The following PKHD1L1 variants were observed in gnomAD, a reference collection of about 807,000 sequenced individuals.
PKHD1L1 encodes fibrocystin-L.
PKHD1L1 carries 434 observed loss-of-function variants against 462.9 expected under a neutral mutation model. The observed-to-expected ratio is 0.94, with a 90% confidence interval of 0.87 to 1.02. The LOEUF (loss-of-function observed/expected upper bound fraction) is 1.02. Among genes scored for constraint, PKHD1L1 ranks in the 50% least tolerant of loss-of-function variants. The pLI, the probability that PKHD1L1 is intolerant of heterozygous loss-of-function variation, is 0.00. For missense variants in PKHD1L1, 5,202 were observed against 5,096.1 expected (o/e 1.02, Z -0.63); for synonymous variants, 1,781 against 1,750.0 (o/e 1.02, Z -0.44).
Position 109,515,173 on chromosome 8 carries a change from G to C in PKHD1L1, c.11557G>C (p.Val3853Leu), listed in dbSNP as rs201433825. Residue 3853 changes from valine (V) to leucine (L), a missense_variant, in exon 72 of 78, where the codon GTT (valine) becomes CTT (leucine). Val to Leu is a conservative substitution (Grantham distance 32). This residue lies in a region of PKHD1L1 where 698 missense variants were observed against 736.3 expected (regional missense o/e 0.95). Coordinates refer to ENST00000378402, the MANE Select transcript of PKHD1L1 (RefSeq NM_177531.6). The part of the protein sequence containing the change: ...MLLNVDHNKA[V>L]LVGIFFSTLQ... The stretch of plus-strand genomic sequence containing the variant: ...AAAACTTTTTTTTCTTTAATAGGCT[G>C]TTCTAGTAGGAATTTTCTTTTCCAC... 1.3e-5 allele frequency: 20 copies of C among 1,582,442 alleles called. No homozygotes were observed. The Middle Eastern group carries it at 6.8e-4, about 54-fold the overall frequency.
intron 67 of PKHD1L1, among the ~76,000 whole-genome samples, chr8:109,500,636 T>C (rs1819359132): frequency 7.5e-6 from 1 of 133,722 alleles, no homozygotes; most frequent in Non-Finnish European, 1.5e-5. Context: ...ATCACACAAC[T>C]GTACTCCAGC....
chr8:109,386,464 G>A (rs562268208), intron 6 of PKHD1L1, among the ~76,000 whole-genome samples: 1 of 152,100 alleles, frequency 6.6e-6, no homozygotes, highest in East Asian at 1.9e-4. Context: ...ATGCTGTAAA[G>A]GTGAGGTATA....
Position 109,384,109 on chromosome 8 carries a change from C to A in PKHD1L1, c.457C>A (p.Pro153Thr). ...AACCCCAACAATAAGAAGCATCACA[C>A]CTTTATCTGGAACTCCAGGTCTGTT... is the stretch of plus-strand genomic sequence containing the variant. ...FRTPTIRSIT[P>T]LSGTPGTLIT... Residue 153 changes from proline (P) to threonine (T), a missense_variant, in exon 5 of 78, where the codon CCT (proline) becomes ACT (threonine). Physicochemically the swap from Pro to Thr is conservative, Grantham distance 38 (BLOSUM62 -1). Transcript: ENST00000378402. 1.9e-6 allele frequency: 3 copies of A among 1,610,882 alleles called. No individual in the cohort carries two copies. The highest frequency in any genetic ancestry group is 2.5e-6 in the Non-Finnish European group (3 of 1,177,536).
intron 28 of PKHD1L1, among the ~76,000 whole-genome samples, 155 bp downstream of exon 28, chr8:109,433,371 G>T (rs763863964): frequency 5.9e-5 from 9 of 152,108 alleles, no homozygotes; most frequent in Non-Finnish European, 8.8e-5. Context: ...TTGGCAACCT[G>T]GTCTATATAA....
Position 109,445,134 on chromosome 8 carries a change from C to T in PKHD1L1, c.5265C>T (p.Phe1755=). ...ESITPYITGV[F]PNSVIGSVKV... is the part of the protein sequence containing the mutation. ...TCACTCCTTACATAACAGGAGTCTT[C>T]CCAAACTCTGTCATAGGATCTGTAA... Residue 1755 remains phenylalanine, a synonymous_variant, in exon 38 of 78, where the codon TTC becomes TTT. Coordinates refer to ENST00000378402, the MANE Select transcript of PKHD1L1 (RefSeq NM_177531.6). The T allele has an allele frequency of 6.2e-7, 1 of 1,613,882 alleles. No individual in the cohort carries two copies. The highest frequency in any genetic ancestry group is 8.5e-7 in the Non-Finnish European group (1 of 1,179,884).
At chr8:109,490,301 T>G (rs1818764642) in intron 60 of PKHD1L1, among the ~76,000 whole-genome samples, 1 of 151,814 alleles carries the variant, frequency 6.6e-6, no homozygotes, top group Non-Finnish European at 1.5e-5. Flanking sequence ...ATCAAAGATC[T>G]ATAATAGTGG....
chr8:109,487,944 A>AGAAG (rs796446244), intron 59 of PKHD1L1, among the ~76,000 whole-genome samples: 9 of 36,882 alleles, frequency 2.4e-4, no homozygotes, highest in South Asian at 8.5e-4. Context: ...AAGGAAGGAA[A>AGAAG]GAAGGAAGGA....
intron 2 of PKHD1L1, among the ~76,000 whole-genome samples, chr8:109,366,601 A>T (rs1453611215): frequency 5.3e-5 from 8 of 152,220 alleles, no homozygotes; most frequent in Admixed American, 5.2e-4. Context: ...ATCTTGTTAC[A>T]TATTCTTATC....
chr8:109,441,967 C>A (rs1815817153), intron 34 of PKHD1L1, 40 bp from the exon 35 acceptor site: 1 of 1,469,306 alleles, frequency 6.8e-7, no homozygotes, highest in East Asian at 2.4e-5. Context: ...TTAAGAAATT[C>A]TCTTTTTCTT....
At chr8:109,446,428 A>G (rs1816144213) in intron 38 of PKHD1L1, among the ~76,000 whole-genome samples, 1 of 152,232 alleles carries the variant, frequency 6.6e-6, no homozygotes, top group Admixed American at 6.5e-5. Flanking sequence ...CATACATTAT[A>G]AAGTTAAAGA....
At chr8:109,415,864 G>GT (rs1554637087) in intron 21 of PKHD1L1, among the ~76,000 whole-genome samples, 22 of 100,422 alleles carry the variant, frequency 2.2e-4, no homozygotes, top group African/African-American at 6.6e-4. Flanking sequence ...AAAAAAAAGG[G>GT]GTGTGTGTGT....
At chr8:109,457,927 T>C (rs964330898) in intron 46 of PKHD1L1, among the ~76,000 whole-genome samples, 2 of 152,076 alleles carry the variant, frequency 1.3e-5, no homozygotes, top group African/African-American at 4.8e-5. Context: ...TTCGCCCTTA[T>C]CTCTAAGCAT....
At chr8:109,470,172 T>C (rs1446253519) in intron 50 of PKHD1L1, 21 of 698,200 alleles carry the variant, frequency 3.0e-5, no homozygotes, top group Non-Finnish European at 4.9e-6. Context: ...TGGATGAAGA[T>C]TGGGAAAAGT....
Position 109,438,959 on chromosome 8 carries a change from G to A in PKHD1L1, c.3823G>A (p.Val1275Met). The A allele has an allele frequency of 3.7e-6, 6 of 1,613,544 alleles. No homozygotes were observed. The highest frequency in any genetic ancestry group is 5.1e-6 in the Non-Finnish European group (6 of 1,179,614). Residue 1275 changes from valine to methionine, a missense_variant, in exon 32 of 78, where the codon GTG becomes ATG. Physicochemically the swap from Val to Met is conservative, Grantham distance 21 (BLOSUM62 1). This residue lies in a region of PKHD1L1 where 4,497 missense variants were observed against 4,336.8 expected (regional missense o/e 1.04). Coordinates refer to ENST00000378402, the MANE Select transcript of PKHD1L1 (RefSeq NM_177531.6). ...FGNELTQNMA[V>M]YVGGKTCQIL... ...AAATGAACTCACACAAAACATGGCG[G>A]TGTATGTTGGAGGAAAAACCTGCCA...
chr8:109,389,244 T>A (rs1812589953), intron 8 of PKHD1L1, 92 bp downstream of exon 8: 3 of 941,054 alleles, frequency 3.2e-6, no homozygotes, highest in Non-Finnish European at 4.8e-6. Context: ...CCTCTGCCCT[T>A]TTGGATCAGG....
chr8:109,374,735 T>G (rs1451498288), intron 2 of PKHD1L1, among the ~76,000 whole-genome samples: 3 of 152,042 alleles, frequency 2.0e-5, no homozygotes, highest in Non-Finnish European at 2.9e-5. Context: ...GTCTGTAAAG[T>G]ATTTTATTTC....
chr8:109,441,866 C>T, intron 34 of PKHD1L1, 141 bp from the exon 35 acceptor site: 1 of 608,644 alleles, frequency 1.6e-6, no homozygotes, highest in Non-Finnish European at 2.5e-6. Flanking sequence ...TTGTTAAGTG[C>T]TTAAATTATG....
chr8:109,432,072 A>G (rs1815137080), intron 27 of PKHD1L1, among the ~76,000 whole-genome samples: 1 of 152,146 alleles, frequency 6.6e-6, no homozygotes, highest in African/African-American at 2.4e-5. Flanking sequence ...ATCATCCTTC[A>G]TATGTTTCTT....
intron 28 of PKHD1L1, among the ~76,000 whole-genome samples, chr8:109,434,396 A>G (rs547391726): frequency 7.3e-5 from 11 of 151,176 alleles, no homozygotes; most frequent in Non-Finnish European, 1.0e-4. Flanking sequence ...AAAAAAAGTA[A>G]GAAAATGTTT....
Sources: allele counts gnomAD v4.1 joint callset (sites outside exome capture counted in the v4.1 genomes callset), GRCh38; gene constraint gnomAD v4.1.1; regional missense constraint gnomAD v4.1.1; transcripts MANE v1.5; gene names NCBI Gene and HGNC (gene_info 2026-07-23, HGNC 2026-07-21).